NF1: variants seen among roughly 807,000 people sequenced by gnomAD.
NF1 encodes neurofibromin 1.
Under a neutral mutation model 325.7 loss-of-function variants are expected in NF1, and 122 were observed. That is an observed-to-expected ratio of 0.37 (90% CI 0.32 to 0.44). The LOEUF is 0.44. NF1 is among the 20% of genes least tolerant of loss of function. The probability of loss-of-function intolerance (pLI) is 1.00; values close to 1 mark genes in which losing one functional copy is unlikely to be tolerated. For missense variants in NF1, 2,140 were observed against 3,415.4 expected (o/e 0.63, Z 9.31); for synonymous variants, 1,091 against 1,186.0 (o/e 0.92, Z 1.65).
intron 40 of NF1, among the ~76,000 whole-genome samples, chr17:31,335,372 C>A (rs183697942): frequency 2.2e-5 from 3 of 134,298 alleles, no homozygotes; most frequent in Non-Finnish European, 4.7e-5. Flanking sequence ...AATCTGGTGA[C>A]ATTTCTAGTG....
intron 21 of NF1, 100 bp from the exon 22 acceptor site, chr17:31,229,735 C>T (rs2151430164): frequency 6.9e-7 from 1 of 1,450,764 alleles, no homozygotes; most frequent in Non-Finnish European, 9.7e-7. Context: ...CCTGTGGGTG[C>T]ACTTACTCTG....
chr17:31,325,686 A>T lies in NF1; in HGVS notation c.4836-134A>T, dbSNP rs2069321944. ...CAAAAAACAACTGATTTAAAAAATG[A>T]ATCCAGACTTTGAAGAATTGTTTTA... On this transcript the variant is annotated intron_variant, in intron 36 of 57. Coordinates refer to ENST00000358273, the MANE Select transcript of NF1 (RefSeq NM_001042492.3). 5.4e-6 allele frequency: 4 copies of T among 736,402 alleles called. No individual in the cohort carries two copies. The Admixed American group carries it at 8.3e-5, about 15-fold the overall frequency. 45.6% of individuals were successfully genotyped at this position (736,402 alleles called of 1,614,324 possible).
intron 15 of NF1, chr17:31,222,500 T>G: frequency 1.9e-6 from 2 of 1,028,272 alleles, no homozygotes; most frequent in South Asian, 4.6e-5. Flanking sequence ...GCCATTATCT[T>G]ATAAGAATGG....
Position 31,219,515 on chromosome 17 carries a change from G to A in NF1, c.1641+397G>A, listed in dbSNP as rs2066885413. Among the ~76,000 whole-genome samples, 3 of 151,028 alleles carry A rather than the reference G, an allele frequency of 2.0e-5. No individual in the cohort carries two copies. The South Asian group carries it at 6.3e-4, about 32-fold the overall frequency. The stretch of plus-strand genomic sequence containing the variant: ...TTATTATTGTACTTTTAAGTTTTAG[G>A]TTACATGCGCACAATGTGCAGGTTT... On this transcript the variant is annotated intron_variant, in intron 14 of 57. Transcript: ENST00000358273.
intron 5 of NF1, among the ~76,000 whole-genome samples, chr17:31,173,203 T>C (rs898197732): frequency 2.0e-5 from 3 of 151,844 alleles, no homozygotes; most frequent in African/African-American, 7.3e-5. Flanking sequence ...GATCACGAGG[T>C]CAGGAGACCA....
At chr17:31,190,558 T>C (rs1199497040) in intron 8 of NF1, among the ~76,000 whole-genome samples, 1 of 152,262 alleles carries the variant, frequency 6.6e-6, no homozygotes, top group East Asian at 1.9e-4. Context: ...GTTACACTAA[T>C]GAGCCTCATT....
At chr17:31,260,837 C>G (rs1232313002) in intron 34 of NF1, among the ~76,000 whole-genome samples, 1 of 152,132 alleles carries the variant, frequency 6.6e-6, no homozygotes, top group African/African-American at 2.4e-5. Context: ...TGGCATTTGA[C>G]TCTGAAGAAC....
intron 39 of NF1, among the ~76,000 whole-genome samples, chr17:31,332,483 A>G (rs1207744576): frequency 6.6e-6 from 1 of 152,086 alleles, no homozygotes; most frequent in Non-Finnish European, 1.5e-5. Context: ...AAATGAATGA[A>G]TAAATGAATG....
intron 13 of NF1, among the ~76,000 whole-genome samples, chr17:31,218,461 A>G (rs17883010): frequency 6.6e-6 from 1 of 152,164 alleles, no homozygotes; most frequent in Non-Finnish European, 1.5e-5. Context: ...CATAAAATTC[A>G]CCATCTTAAA....
intron 8 of NF1, among the ~76,000 whole-genome samples, chr17:31,196,272 T>C (rs936144587): frequency 1.3e-5 from 2 of 152,186 alleles, no homozygotes; most frequent in Admixed American, 6.5e-5. Flanking sequence ...AATTTTTCTG[T>C]TTCATTAATT....
At chr17:31,244,881 C>T (rs2067364824) in intron 29 of NF1, among the ~76,000 whole-genome samples, 1 of 152,210 alleles carries the variant, frequency 6.6e-6, no homozygotes, top group African/African-American at 2.4e-5. Context: ...GGCCTCCATT[C>T]AGCCATCTTG....
intron 46 of NF1, chr17:31,340,175 G>A (rs1054130858): frequency 6.1e-6 from 2 of 329,024 alleles, no homozygotes; most frequent in Admixed American, 4.7e-5. Flanking sequence ...AGGTTGGCAT[G>A]TGGTAATGTC....
chr17:31,303,495 A>G (rs2068622206), intron 36 of NF1, among the ~76,000 whole-genome samples: 1 of 152,120 alleles, frequency 6.6e-6, no homozygotes, highest in African/African-American at 2.4e-5. Flanking sequence ...TGAAAAAAAA[A>G]TCACCCAAAG....
intron 1 of NF1, among the ~76,000 whole-genome samples, chr17:31,102,608 G>A (rs1197023747): frequency 6.6e-6 from 1 of 151,850 alleles, no homozygotes; most frequent in East Asian, 2.0e-4. Context: ...GGTGGCATGT[G>A]CCTGTAGTCG....
In NF1 at chr17:31,377,274, GTAT is replaced by G. The variant is rs970703055; in HGVS notation, c.*3124_*3126del. ...CTGTAAATATATGTGATGATATATT[GTAT>G]TATTTTGCTTTTTTGTAAAGCAGTT... is the stretch of plus-strand genomic sequence containing the variant. On this transcript the variant is annotated 3_prime_UTR_variant, in exon 58 of 58. Transcript: ENST00000358273. 4 of 233,182 alleles carry G rather than the reference GTAT, an allele frequency of 1.7e-5. No individual in the cohort carries two copies. The highest frequency in any genetic ancestry group is 6.6e-5 in the African/African-American group (3 of 45,240). The allele number at this position is 233,182 out of a possible 1,614,324, so 14.4% of individuals were successfully genotyped here.
At chr17:31,243,180 C>CTGTGTGTGTGTG (rs1162406311) in intron 29 of NF1, among the ~76,000 whole-genome samples, 5 of 73,260 alleles carry the variant, frequency 6.8e-5, no homozygotes, top group African/African-American at 5.0e-4. Context: ...GTCTCTCTCT[C>CTGTGTGTGTGTG]TGTCTGTGTG....
chr17:31,285,443 T>C lies in NF1; in HGVS notation c.4835+20104T>C, dbSNP rs188390224. On this transcript the variant is annotated intron_variant, in intron 36 of 57. Coordinates refer to ENST00000358273, the MANE Select transcript of NF1 (RefSeq NM_001042492.3). ...TTTTAGGGAAATAATTTTTTGGAAGTGTTGTCAAAGTCTGAAATACATTCT... is the reference window on the plus strand; with the variant it reads ...TTTTAGGGAAATAATTTTTTGGAAGCGTTGTCAAAGTCTGAAATACATTCT... 7.9e-5 allele frequency among the ~76,000 whole-genome samples: 12 copies of C among 152,302 alleles called. No individual in the cohort carries two copies. In the East Asian group the frequency reaches 2.3e-3, roughly 29 times the overall value.
intron 17 of NF1, 94 bp from the exon 18 acceptor site, chr17:31,226,341 A>ACACACG: frequency 6.9e-7 from 1 of 1,444,914 alleles, no homozygotes; most frequent in Non-Finnish European, 9.5e-7. Flanking sequence ...ACACACACAC[A>ACACACG]CACACACACA....
chr17:31,105,447 G>C (rs951841317), intron 1 of NF1, among the ~76,000 whole-genome samples: 12 of 152,140 alleles, frequency 7.9e-5, no homozygotes, highest in African/African-American at 2.4e-4. Context: ...TGCCACTGCA[G>C]TCCACAAGCT....
Sources: gnomAD v4.1 joint callset for allele counts (sites outside exome capture counted in the v4.1 genomes callset) on GRCh38, gnomAD v4.1.1 for gene constraint, MANE v1.5 for transcripts, NCBI Gene and HGNC (gene_info 2026-07-23, HGNC 2026-07-21) for gene names.